Variants in SLC25A39 observed in about 807,000 individuals in gnomAD.
The protein encoded by SLC25A39 is solute carrier family 25 member 39.
Under a neutral mutation model 46.6 loss-of-function variants are expected in SLC25A39, and 44 were observed. That is an observed-to-expected ratio of 0.94 (90% CI 0.74 to 1.21). SLC25A39 has a LOEUF of 1.21. Ranked by LOEUF, SLC25A39 falls within the 50% of genes most tolerant of loss-of-function variation. The pLI is 0.00. For missense variants in SLC25A39, 487 were observed against 473.0 expected, an observed-to-expected ratio of 1.03 and a Z score of -0.28; for synonymous variants, 218 against 190.6, an observed-to-expected ratio of 1.14 and a Z score of -1.19.
In SLC25A39 at chr17:44,320,212, G is replaced by A. The variant is rs772250996; in HGVS notation, c.948C>T (p.Thr316=). ...LLRRIRAESG[T]KGLFAGFLPR... is the part of the protein sequence containing the mutation. ...CACACTGACCTGCAAAGAGTCCCTT[G>A]GTGCCCGACTCGGCCCGGATCCTCC... Residue 316 remains threonine (T), a synonymous_variant, in exon 11 of 12, where the codon ACC becomes ACT. Coordinates refer to ENST00000377095, the MANE Select transcript of SLC25A39 (RefSeq NM_001143780.3). 1 of 1,613,962 alleles carries A rather than the reference G, an allele frequency of 6.2e-7. No individual in the cohort carries two copies. Among genetic ancestry groups the A allele is most frequent in the South Asian group, 1.1e-5 (1 of 91,084 alleles).
chr17:44,322,731 C>T, intron 4 of SLC25A39, 77 bp downstream of exon 4: 2 of 1,603,872 alleles, frequency 1.2e-6, no homozygotes, highest in South Asian at 2.2e-5. Flanking sequence ...GTGGAGCCCA[C>T]TGGTGCCCTG....
rs886446439 is a variant in SLC25A39 at position 44,319,881 on chromosome 17, G to A, written c.*120C>T. On this transcript the variant is annotated 3_prime_UTR_variant, in exon 12 of 12. Transcript: ENST00000377095. Reference sequence around the variant, plus strand: ...GGACAGCCCTGCCCTGGAGCTTGTCGCCGGGAGGGAAGGGAAACAAGCCCC... The same window carrying A: ...GGACAGCCCTGCCCTGGAGCTTGTCACCGGGAGGGAAGGGAAACAAGCCCC... 261 of 912,296 alleles carry A rather than the reference G, an allele frequency of 2.9e-4. No individual in the cohort carries two copies. The highest frequency in any genetic ancestry group is 3.0e-4 in the Non-Finnish European group (176 of 593,306). The allele number at this position is 912,296 out of a possible 1,614,324, so 56.5% of individuals were successfully genotyped here.
chr17:44,321,802 G>C (rs745444346), intron 5 of SLC25A39, 35 bp from the exon 6 acceptor site: 5 of 1,596,168 alleles, frequency 3.1e-6, no homozygotes, highest in Admixed American at 3.4e-5. Context: ...GGGAAGAGGA[G>C]GGACACAAGT....
rs1040831503 is a variant in SLC25A39, at chr17:44,324,819, A to G, written c.-124T>C. The G allele has an allele frequency of 1.3e-5, 2 of 152,074 alleles. No homozygotes were observed. The highest frequency in any genetic ancestry group is 3.9e-4 in the East Asian group (2 of 5,114). The allele number at this position is 152,074 out of a possible 1,614,324, so 9.4% of individuals were successfully genotyped here. Reference sequence around the variant, plus strand: ...GCGCGCTCGCAGCGCACCTAGGCCGACGCCGAAAGCAGCCAAGGGGGCCCC... The same window carrying G: ...GCGCGCTCGCAGCGCACCTAGGCCGGCGCCGAAAGCAGCCAAGGGGGCCCC... On this transcript the variant is annotated 5_prime_UTR_variant, in exon 1 of 12. Transcript: ENST00000377095.
At position 44,322,409 on chromosome 17, in the gene SLC25A39, T is replaced by A; in HGVS notation, c.324+10A>T. 6.2e-7 allele frequency: 1 copy of A among 1,614,030 alleles called. No homozygotes were observed. Among genetic ancestry groups the A allele is most frequent in the Non-Finnish European group, 8.5e-7 (1 of 1,179,988 alleles). On this transcript the variant is annotated intron_variant, in intron 5 of 11. Transcript: ENST00000377095. ...ACCGACGAATCCCTACGGACCCAGC[T>A]GCTCCTCACCATGGTGCCAGTGAAG...
At chr17:44,320,890 C>G in intron 8 of SLC25A39, 159 bp from the exon 9 acceptor site, 1 of 991,326 alleles carries the variant, frequency 1.0e-6, no homozygotes, top group Non-Finnish European at 1.5e-6. Flanking sequence ...TCCTGACCGC[C>G]TGGGCAAATA....
chr17:44,320,037 G>C lies in SLC25A39; in HGVS notation c.1044C>G (p.Phe348Leu), dbSNP rs2047964521. Residue 348 changes from phenylalanine (F) to leucine (L), a missense_variant, in exon 12 of 12, where the codon TTC becomes TTG. Physicochemically the swap from Phe to Leu is conservative, Grantham distance 22 (BLOSUM62 0). Coordinates refer to ENST00000377095, the MANE Select transcript of SLC25A39 (RefSeq NM_001143780.3). ...GAAGCCGGTCCTGGTTCAGCCTCTGGAAGAAGCTTTTGCCGAACTCATAGG... is the reference window on the plus strand; with the variant it reads ...GAAGCCGGTCCTGGTTCAGCCTCTGCAAGAAGCTTTTGCCGAACTCATAGG... ...ISTYEFGKSF[F>L]QRLNQDRLLG... 6.2e-7 allele frequency: 1 copy of C among 1,614,038 alleles called. No homozygotes were observed. Among genetic ancestry groups the C allele is most frequent in the Non-Finnish European group, 8.5e-7 (1 of 1,180,020 alleles).
chr17:44,321,384 TGG>T, intron 7 of SLC25A39, 48 bp downstream of exon 7: 1 of 1,611,490 alleles, frequency 6.2e-7, no homozygotes, highest in Non-Finnish European at 8.5e-7. Flanking sequence ...TGACTGGGTT[TGG>T]GCCGAGGTGG....
rs778568735 is a variant in SLC25A39, at chr17:44,323,338, G to A, written c.91C>T (p.Pro31Ser). Residue 31 changes from proline to serine, a missense_variant, in exon 3 of 12, where the codon CCC (proline) becomes TCC (serine). Physicochemically the swap from Pro to Ser is moderately conservative, Grantham distance 74. Transcript: ENST00000377095. Reference sequence around the variant, plus strand: ...AGGCGAACCTTCACCACGTCCAGGGGTGTCACTGGGGGAGGAAGCGGGTCT... The same window carrying A: ...AGGCGAACCTTCACCACGTCCAGGGATGTCACTGGGGGAGGAAGCGGGTCT... ...GAVVTSLFMTPLDVVKVRLQS... is the reference protein window; with the variant it reads ...GAVVTSLFMTSLDVVKVRLQS... 2 of 1,611,432 alleles carry A rather than the reference G, an allele frequency of 1.2e-6. No individual in the cohort carries two copies. Among genetic ancestry groups the A allele is most frequent in the Non-Finnish European group, 1.7e-6 (2 of 1,178,756 alleles).
chr17:44,322,339 T>C, intron 5 of SLC25A39, 80 bp downstream of exon 5: 1 of 1,553,430 alleles, frequency 6.4e-7, no homozygotes, highest in Non-Finnish European at 8.8e-7. Flanking sequence ...CCCAATCCCT[T>C]TACTCCTGGG....
rs1226149446 is a variant in SLC25A39 at position 44,321,492 on chromosome 17, A to G, written c.459T>C (p.Cys153=). 3 of 1,613,990 alleles carry G rather than the reference A, an allele frequency of 1.9e-6. No individual in the cohort carries two copies. The highest frequency in any genetic ancestry group is 2.7e-5 in the African/African-American group (2 of 74,926). The change falls in exon 7 of 12, where the codon TGT becomes TGC. Residue 153 remains cysteine (C), a synonymous_variant. Coordinates refer to ENST00000377095, the MANE Select transcript of SLC25A39 (RefSeq NM_001143780.3). ...TAYDQLKAFL[C]GRALTSDLYA... is the part of the protein sequence containing the mutation. ...AGAGGTCAGAGGTCAGGGCTCGACC[A>G]CACAGGAAGGCCTTCAGTTGGTCAT...
chr17:44,323,228 G>C, intron 3 of SLC25A39, 56 bp downstream of exon 3: 1 of 1,599,690 alleles, frequency 6.3e-7, no homozygotes, highest in Non-Finnish European at 8.6e-7. Flanking sequence ...CAGCCTCTGG[G>C]AGATCTTTCT....
chr17:44,323,870 G>A, intron 1 of SLC25A39: 1 of 359,206 alleles, frequency 2.8e-6, no homozygotes, highest in African/African-American at 2.1e-5. Flanking sequence ...TCGATCTCCT[G>A]ACCTCGTGAT....
chr17:44,322,950 T>A, intron 3 of SLC25A39, 98 bp from the exon 4 acceptor site: 1 of 1,320,124 alleles, frequency 7.6e-7, no homozygotes, highest in Non-Finnish European at 1.1e-6. Flanking sequence ...TGAGATGGAG[T>A]CTTGCTCTGT....
intron 3 of SLC25A39, 136 bp downstream of exon 3, chr17:44,323,148 C>T (rs1282770477): frequency 2.7e-6 from 3 of 1,104,002 alleles, no homozygotes; most frequent in Non-Finnish European, 4.0e-6. Context: ...GCCTTGAACT[C>T]CTGATCTCAG....
At position 44,321,467 on chromosome 17, in the gene SLC25A39, A is replaced by G; in HGVS notation, c.484T>C (p.Tyr162His). 6.2e-7 allele frequency: 1 copy of G among 1,613,978 alleles called. No individual in the cohort carries two copies. The highest frequency in any genetic ancestry group is 1.1e-5 in the South Asian group (1 of 91,084). ...LCGRALTSDL[Y>H]APMVAGALAR... ...AGCGCGCCAGCCACCATGGGTGCGT[A>G]GAGGTCAGAGGTCAGGGCTCGACCA... The change falls in exon 7 of 12, where the codon TAC (tyrosine) becomes CAC (histidine). Residue 162 changes from tyrosine to histidine, a missense_variant. Physicochemically the swap from Tyr to His is moderately conservative, Grantham distance 83. Transcript: ENST00000377095.
chr17:44,319,990 C>T lies in SLC25A39; in HGVS notation c.*11G>A, dbSNP rs1019911519. The T allele has an allele frequency of 1.9e-6, 3 of 1,613,646 alleles. No individual in the cohort carries two copies. Among genetic ancestry groups the T allele is most frequent in the Non-Finnish European group, 2.5e-6 (3 of 1,179,882 alleles). On this transcript the variant is annotated 3_prime_UTR_variant, in exon 12 of 12. Transcript: ENST00000377095. ...CGTGGGAGAGACGGGGTCCTTGCCT[C>T]CTTGCCCCTTTCAGCCGCCCAGAAG...
intron 3 of SLC25A39, 79 bp from the exon 4 acceptor site, chr17:44,322,931 T>A: frequency 6.6e-7 from 1 of 1,504,396 alleles, no homozygotes; most frequent in Admixed American, 1.8e-5. Context: ...ATCTTTTTAT[T>A]TTATTTTTTG....
rs371267391 is a variant in SLC25A39, at chr17:44,321,543, T to C, written c.408A>G (p.Pro136=). 3.1e-6 allele frequency: 5 copies of C among 1,613,888 alleles called. No individual in the cohort carries two copies. The highest frequency in any genetic ancestry group is 2.2e-5 in the South Asian group (2 of 91,088). Residue 136 remains proline (P), a synonymous_variant, in exon 7 of 12, where the codon CCA becomes CCG. Transcript: ENST00000377095. ...AGGCAGTGAAGTAGATGGCGGTAGC[T>C]GGCACAGTCATCACCCTGGGGATAC... ...GLPATLVMTV[P]ATAIYFTAYD...
Sources: allele counts gnomAD v4.1 joint callset, GRCh38; gene constraint gnomAD v4.1.1; transcripts MANE v1.5; gene names NCBI Gene and HGNC (gene_info 2026-07-23, HGNC 2026-07-21).